The following ARSG variants were observed in gnomAD, a reference collection of about 807,000 sequenced individuals.
ARSG encodes the protein arylsulfatase G.
In ARSG, 37 loss-of-function variants were observed where a neutral mutation model predicts 50.5. The ratio of observed to expected loss-of-function variants is 0.73; its 90% CI spans 0.56 to 0.96. ARSG has a LOEUF of 0.96. Ranked by LOEUF, ARSG falls within the 50% of genes least tolerant of loss-of-function variation. The pLI is 0.00. For missense variants in ARSG, 629 were observed against 675.3 expected (o/e 0.93, Z 0.76); for synonymous variants, 225 against 254.6 (o/e 0.88, Z 1.11).
At chr17:68,385,678 T>C (rs1399470740) in intron 9 of ARSG, among the ~76,000 whole-genome samples, 8 of 152,034 alleles carry the variant, frequency 5.3e-5, no homozygotes, top group Non-Finnish European at 1.2e-4. Context: ...TACATCAGCA[T>C]TGGGTCCTGG....
intron 1 of ARSG, among the ~76,000 whole-genome samples, chr17:68,297,251 C>A (rs2076240978): frequency 6.6e-6 from 1 of 152,204 alleles, no homozygotes; most frequent in Non-Finnish European, 1.5e-5. Context: ...TACATCTTGA[C>A]CTCATATTGT....
In ARSG at chr17:68,265,208, A is replaced by G. The variant is rs1165327883; in HGVS notation, c.-552+5782A>G. ...AACGTAATTAACAAATGTGTTAGCTATAATGTCGGGCACGGTGACTCATGC... is the reference window on the plus strand; with the variant it reads ...AACGTAATTAACAAATGTGTTAGCTGTAATGTCGGGCACGGTGACTCATGC... On this transcript the variant is annotated intron_variant, in intron 1 of 11. Transcript: ENST00000448504. Among the ~76,000 whole-genome samples, 19 of 151,320 alleles carry G rather than the reference A, an allele frequency of 1.3e-4. No individual in the cohort carries two copies. The East Asian group carries it at 2.9e-3, about 23-fold the overall frequency.
chr17:68,346,411 G>A lies in ARSG; in HGVS notation c.407-714G>A, dbSNP rs9900722. ...TTGCCCGTTAATCTCTCGTTTGAGCGGTTTAATGCTGCCAGCGTCTCAATC... is the reference window on the plus strand; with the variant it reads ...TTGCCCGTTAATCTCTCGTTTGAGCAGTTTAATGCTGCCAGCGTCTCAATC... On this transcript the variant is annotated intron_variant, in intron 3 of 11. Coordinates refer to ENST00000621439, the MANE Select transcript of ARSG (RefSeq NM_001267727.2). 3.1e-3 allele frequency among the ~76,000 whole-genome samples: 478 copies of A among 152,234 alleles called. 4 individuals are homozygous for A. Among genetic ancestry groups the A allele is most frequent in the Middle Eastern group, 0.01 (3 of 294 alleles).
the ARSG span, among the ~76,000 whole-genome samples, chr17:68,442,683 G>T: frequency 2.6e-5 from 4 of 152,120 alleles, no homozygotes; most frequent in African/African-American, 9.7e-5. Context: ...GCCCAGCTCA[G>T]GCCCTGCCAG....
At chr17:68,430,978 C>T in the ARSG span, among the ~76,000 whole-genome samples, 2 of 152,126 alleles carry the variant, frequency 1.3e-5, no homozygotes, top group South Asian at 4.1e-4. Context: ...TTGGACAAAC[C>T]TCTCTGGGCC....
intron 4 of ARSG, 99 bp from the exon 5 acceptor site, chr17:68,351,476 A>G (rs1181930075): frequency 8.4e-6 from 6 of 711,064 alleles, no homozygotes; most frequent in South Asian, 6.2e-5. Context: ...GCACTGCAGT[A>G]TTAAATCATA....
intron 9 of ARSG, among the ~76,000 whole-genome samples, chr17:68,386,963 G>A (rs1462409153): frequency 6.6e-6 from 1 of 151,914 alleles, no homozygotes; most frequent in East Asian, 1.9e-4. Context: ...CCAACACACC[G>A]TATCGGTACC....
upstream of ARSG, among the ~76,000 whole-genome samples, chr17:68,290,098 G>C (rs1304204402): frequency 6.6e-6 from 1 of 152,176 alleles, no homozygotes; most frequent in Non-Finnish European, 1.5e-5. Flanking sequence ...AAAACAATCA[G>C]ATCACTGAGA....
intron 11 of ARSG, among the ~76,000 whole-genome samples, chr17:68,412,395 G>T (rs2082058505): frequency 6.6e-6 from 1 of 152,038 alleles, no homozygotes; most frequent in Non-Finnish European, 1.5e-5. Context: ...AGTTTGGCTG[G>T]ATATGAAATT....
At chr17:68,363,659 G>T (rs1298168954) in intron 6 of ARSG, among the ~76,000 whole-genome samples, 7 of 152,048 alleles carry the variant, frequency 4.6e-5, no homozygotes, top group African/African-American at 1.5e-4. Context: ...TAGAGATGGG[G>T]TTTCTTCATG....
rs537063274 is a variant in ARSG, at chr17:68,373,805, G to A, written c.982+3281G>A. ...ATGCTGTGATTTAGTTGTGATTTCT[G>A]GAGAGTTGGGTCAAAAGAAGATGCT... On this transcript the variant is annotated intron_variant, in intron 8 of 11. Coordinates refer to ENST00000621439, the MANE Select transcript of ARSG (RefSeq NM_001267727.2). Among the ~76,000 whole-genome samples, 4 of 152,140 alleles carry A rather than the reference G, an allele frequency of 2.6e-5. No homozygotes were observed. In the South Asian group the frequency reaches 6.2e-4, roughly 24 times the overall value.
the ARSG span, chr17:68,430,236 C>T: frequency 7.6e-6 from 11 of 1,449,942 alleles, no homozygotes; most frequent in South Asian, 5.3e-5. Context: ...CACACCCAAG[C>T]GTCATTAGCC....
rs113018660 is a variant in ARSG at position 68,341,922 on chromosome 17, C to T, written c.219-1682C>T. Among the ~76,000 whole-genome samples, 967 of 152,128 alleles carry T rather than the reference C, an allele frequency of 6.4e-3. 11 individuals carry two copies. The highest frequency in any genetic ancestry group is 0.02 in the African/African-American group (822 of 41,510). On this transcript the variant is annotated intron_variant, in intron 2 of 11. Transcript: ENST00000621439. The stretch of plus-strand genomic sequence containing the variant: ...GCAACCTCCAACCCCTCGGTTCAAG[C>T]GATTCTCCTGCCTCAGCCTCCCAAG...
intron 9 of ARSG, among the ~76,000 whole-genome samples, chr17:68,389,886 G>T (rs924176770): frequency 6.6e-6 from 1 of 152,016 alleles, no homozygotes; most frequent in East Asian, 1.9e-4. Context: ...AAGTCCATGT[G>T]GTTCCTTCTG....
At chr17:68,341,710 G>A (rs1332472293) in intron 2 of ARSG, among the ~76,000 whole-genome samples, 1 of 152,116 alleles carries the variant, frequency 6.6e-6, no homozygotes, top group Non-Finnish European at 1.5e-5. Context: ...TCAATGTCTT[G>A]TTTCTGCATG....
chr17:68,450,854 G>T, the ARSG span: 1 of 1,614,100 alleles, frequency 6.2e-7, no homozygotes, highest in Non-Finnish European at 8.5e-7. Flanking sequence ...CCACCAGGCT[G>T]CTGGAGAAGA....
chr17:68,398,922 G>A (rs2081362458), intron 10 of ARSG, among the ~76,000 whole-genome samples: 2 of 152,216 alleles, frequency 1.3e-5, no homozygotes, highest in African/African-American at 2.4e-5. Context: ...GCTGGGAAGG[G>A]GAGGGCTGCA....
intron 1 of ARSG, among the ~76,000 whole-genome samples, chr17:68,263,063 C>A (rs142187784): frequency 1.3e-3 from 201 of 152,322 alleles, no homozygotes; most frequent in African/African-American, 4.4e-3. Flanking sequence ...TGGCCACAAT[C>A]TGTATTTTCT....
chr17:68,384,764 A>G (rs542248980), intron 8 of ARSG, among the ~76,000 whole-genome samples: 4 of 152,352 alleles, frequency 2.6e-5, no homozygotes, highest in African/African-American at 7.2e-5. Flanking sequence ...GTTGAGACAC[A>G]AAACAAGCAA....
Sources: gnomAD v4.1 joint callset for allele counts (sites outside exome capture counted in the v4.1 genomes callset) on GRCh38, gnomAD v4.1.1 for gene constraint, MANE v1.5 for transcripts, NCBI Gene and HGNC (gene_info 2026-07-23, HGNC 2026-07-21) for gene names.